The following NKAIN2 variants were observed in gnomAD, a reference collection of about 807,000 sequenced individuals.
The protein encoded by NKAIN2 is sodium/potassium transporting ATPase interacting 2, also known as sodium/potassium-transporting ATPase subunit beta-1-interacting protein 2.
Under a neutral mutation model 32.6 loss-of-function variants are expected in NKAIN2, and 14 were observed. That is an observed-to-expected ratio of 0.43 (90% confidence interval 0.28 to 0.67). The LOEUF is 0.67. NKAIN2 is among the 30% of genes least tolerant of loss of function. NKAIN2 has a pLI of 0.17. For missense variants in NKAIN2, 198 were observed against 258.3 expected, an observed-to-expected ratio of 0.77 and a Z score of 1.60; for synonymous variants, 80 against 87.2, an observed-to-expected ratio of 0.92 and a Z score of 0.46.
chr6:124,359,812 G>A (rs1799183450), intron 3 of NKAIN2, among the ~76,000 whole-genome samples: 1 of 152,162 alleles, frequency 6.6e-6, no homozygotes, highest in African/African-American at 2.4e-5. Flanking sequence ...ACACTATGTT[G>A]AATAGGAGTG....
chr6:124,164,305 C>T (rs983126048), intron 1 of NKAIN2, among the ~76,000 whole-genome samples: 6 of 151,942 alleles, frequency 3.9e-5, no homozygotes, highest in Non-Finnish European at 8.8e-5. Context: ...CCCAGGAAAC[C>T]ATATTAACTC....
chr6:124,716,315 C>T (rs1022199013), intron 4 of NKAIN2, among the ~76,000 whole-genome samples: 6 of 152,130 alleles, frequency 3.9e-5, no homozygotes, highest in African/African-American at 1.4e-4. Context: ...TTTTTATCTG[C>T]CCTCTATGGG....
intron 3 of NKAIN2, among the ~76,000 whole-genome samples, chr6:124,461,339 T>C (rs1041868852): frequency 6.6e-6 from 1 of 151,614 alleles, no homozygotes; most frequent in Non-Finnish European, 1.5e-5. Context: ...AAAGACTGAT[T>C]TCTTTCCACA....
intron 1 of NKAIN2, among the ~76,000 whole-genome samples, chr6:123,984,154 A>G (rs772952301): frequency 2.6e-5 from 4 of 152,100 alleles, no homozygotes; most frequent in Non-Finnish European, 5.9e-5. Flanking sequence ...TGATCCGCCC[A>G]TCTCAGCCTC....
At chr6:124,103,585 G>A (rs929379119) in intron 1 of NKAIN2, among the ~76,000 whole-genome samples, 6 of 152,112 alleles carry the variant, frequency 3.9e-5, no homozygotes, top group Non-Finnish European at 5.9e-5. Flanking sequence ...GCCTTCAAAT[G>A]TATTTGAATG....
chr6:124,789,024 T>A (rs1779628477), intron 4 of NKAIN2, among the ~76,000 whole-genome samples: 1 of 152,044 alleles, frequency 6.6e-6, no homozygotes, highest in South Asian at 2.1e-4. Flanking sequence ...TGCAGCAGGA[T>A]TTACTTTTAT....
intron 3 of NKAIN2, among the ~76,000 whole-genome samples, chr6:124,619,177 A>G (rs1783019178): frequency 6.6e-6 from 1 of 152,190 alleles, no homozygotes; most frequent in Non-Finnish European, 1.5e-5. Flanking sequence ...AATCAAAGAG[A>G]CATAATAGGT....
chr6:124,537,149 C>T (rs1779746619), intron 3 of NKAIN2, among the ~76,000 whole-genome samples: 1 of 152,192 alleles, frequency 6.6e-6, no homozygotes, highest in South Asian at 2.1e-4. Context: ...CAGGCATGAA[C>T]TCTATGAGCT....
intron 3 of NKAIN2, among the ~76,000 whole-genome samples, chr6:124,603,828 G>C (rs1782399163): frequency 6.6e-6 from 1 of 151,876 alleles, no homozygotes; most frequent in Non-Finnish European, 1.5e-5. Flanking sequence ...AAATAAATAT[G>C]GTCATTTGCC....
At chr6:123,829,256 G>A (rs908114064) in intron 1 of NKAIN2, 2 of 152,056 alleles carry the variant, frequency 1.3e-5, no homozygotes, top group African/African-American at 2.4e-5. Flanking sequence ...TTACTCAGAT[G>A]ATTCTCAAAT....
intron 1 of NKAIN2, among the ~76,000 whole-genome samples, chr6:124,235,272 G>GGA (rs1562441109): frequency 6.6e-6 from 1 of 152,038 alleles, no homozygotes; most frequent in Non-Finnish European, 1.5e-5. Context: ...CCTTTTCTAT[G>GGA]GAAAACATCT....
rs967671107 is a variant in NKAIN2, at chr6:124,540,040, A to G, written c.274-118146A>G. Among the ~76,000 whole-genome samples the G allele has an allele frequency of 5.9e-5, 9 of 152,206 alleles. No homozygotes were observed. In the East Asian group the frequency reaches 1.7e-3, roughly 29 times the overall value. On this transcript the variant is annotated intron_variant, in intron 3 of 6. Coordinates refer to ENST00000368417, the MANE Select transcript of NKAIN2 (RefSeq NM_001040214.3). ...CCAGCCAAAGATGTATTTAAACACC[A>G]AAGTTTTAAAATATTTATGCATTAA...
At chr6:124,117,752 G>A (rs1785684186) in intron 1 of NKAIN2, among the ~76,000 whole-genome samples, 1 of 151,682 alleles carries the variant, frequency 6.6e-6, no homozygotes, top group Admixed American at 6.6e-5. Context: ...CTTGTGTTAT[G>A]CAGTGATTCA....
At chr6:124,428,045 T>C (rs1202940261) in intron 3 of NKAIN2, among the ~76,000 whole-genome samples, 1 of 152,158 alleles carries the variant, frequency 6.6e-6, no homozygotes, top group Non-Finnish European at 1.5e-5. Flanking sequence ...TTGGTCTGGG[T>C]TCTATGTCAC....
At chr6:124,161,770 A>G (rs1230972496) in intron 1 of NKAIN2, among the ~76,000 whole-genome samples, 1 of 152,058 alleles carries the variant, frequency 6.6e-6, no homozygotes. Flanking sequence ...AAAGATGGCA[A>G]CAATATACAT....
intron 3 of NKAIN2, among the ~76,000 whole-genome samples, chr6:124,369,777 C>T (rs1265985259): frequency 2.6e-5 from 4 of 151,640 alleles, no homozygotes; most frequent in Admixed American, 6.6e-5. Context: ...GTCAAAATCA[C>T]CGCCTTTATT....
intron 3 of NKAIN2, among the ~76,000 whole-genome samples, chr6:124,515,964 A>G (rs571119954): frequency 1.2e-4 from 18 of 152,196 alleles, no homozygotes; most frequent in African/African-American, 4.3e-4. Context: ...TTACTGAGCA[A>G]CTGTTTTGGG....
intron 4 of NKAIN2, among the ~76,000 whole-genome samples, chr6:124,774,403 C>G (rs1380177625): frequency 6.6e-6 from 1 of 152,082 alleles, no homozygotes; most frequent in Non-Finnish European, 1.5e-5. Context: ...ATTGTCATTA[C>G]CTGAAACAGA....
chr6:124,260,104 T>C (rs182617437), intron 1 of NKAIN2, among the ~76,000 whole-genome samples: 223 of 152,310 alleles, frequency 1.5e-3, no homozygotes, highest in Non-Finnish European at 2.6e-3. Flanking sequence ...TATAACAATT[T>C]TATTATGTCC....
Sources: allele counts gnomAD v4.1 joint callset (sites outside exome capture counted in the v4.1 genomes callset), GRCh38; gene constraint gnomAD v4.1.1; transcripts MANE v1.5; gene names NCBI Gene and HGNC (gene_info 2026-07-23, HGNC 2026-07-21).